DTNA: variants seen among roughly 807,000 people sequenced by gnomAD.
DTNA encodes the protein dystrobrevin alpha.
Under a neutral mutation model 100.7 loss-of-function variants are expected in DTNA, and 43 were observed. The observed-to-expected ratio is 0.43, with a 90% CI of 0.33 to 0.55. The LOEUF is 0.55. Among genes scored for constraint, DTNA ranks in the 20% least tolerant of loss-of-function variants. The pLI, the probability that DTNA is intolerant of heterozygous loss-of-function variation, is 0.04. For missense variants in DTNA, 798 were observed against 953.9 expected (o/e 0.84, Z 2.15); for synonymous variants, 349 against 347.9 (o/e 1.00, Z -0.04).
chr18:34,855,832 T>A (rs2096545846), intron 15 of DTNA, among the ~76,000 whole-genome samples: 1 of 152,218 alleles, frequency 6.6e-6, no homozygotes, highest in Admixed American at 6.5e-5. Context: ...TTCAGAGCAC[T>A]TTGTTTTCCC....
In DTNA at chr18:34,742,269, C is replaced by A. The variant is rs1419767049; in HGVS notation, c.-1-13707C>A. ...ACAAATGTAGTGGCTTAAAACAACA[C>A]AAATGTATTATCTTACTGTTCTGAG... On this transcript the variant is annotated intron_variant, in intron 1 of 22. Transcript: ENST00000444659. 3.9e-5 allele frequency among the ~76,000 whole-genome samples: 6 copies of A among 152,280 alleles called. No individual in the cohort carries two copies. The East Asian group carries it at 9.7e-4, about 25-fold the overall frequency.
intron 1 of DTNA, among the ~76,000 whole-genome samples, chr18:34,510,069 T>TTGTTTGTGTGTG (rs2040885394): frequency 6.9e-6 from 1 of 144,960 alleles, no homozygotes. Context: ...GAGTGTAATT[T>TTGTTTGTGTGTG]TGTGTGTGTG....
At chr18:34,806,761 G>A (rs544548020) in intron 5 of DTNA, among the ~76,000 whole-genome samples, 18 of 152,280 alleles carry the variant, frequency 1.2e-4, no homozygotes, top group African/African-American at 4.1e-4. Flanking sequence ...ACAATGTCAG[G>A]AAAGAAGAAT....
At chr18:34,732,230 T>C (rs2088443979) in intron 1 of DTNA, among the ~76,000 whole-genome samples, 1 of 152,250 alleles carries the variant, frequency 6.6e-6, no homozygotes, top group Non-Finnish European at 1.5e-5. Context: ...GGCAGGTATT[T>C]TGTTTTTCAG....
intron 1 of DTNA, among the ~76,000 whole-genome samples, chr18:34,659,622 A>G (rs919577951): frequency 7.1e-6 from 1 of 140,818 alleles, no homozygotes; most frequent in African/African-American, 3.0e-5. Flanking sequence ...ACATACACAC[A>G]GACACACACA....
chr18:34,592,467 AACAC>A (rs3078085), intron 1 of DTNA, among the ~76,000 whole-genome samples: 44,879 of 139,286 alleles, frequency 0.32, 8,210 homozygotes, highest in East Asian at 0.56. Context: ...ACACTTGTAT[AACAC>A]ACACACACAC....
chr18:34,584,679 A>T (rs1028834971), intron 1 of DTNA, among the ~76,000 whole-genome samples: 1 of 152,206 alleles, frequency 6.6e-6, no homozygotes, highest in Non-Finnish European at 1.5e-5. Context: ...CTGGAACTGA[A>T]TAAATGAGTA....
intron 11 of DTNA, among the ~76,000 whole-genome samples, chr18:34,834,092 A>G (rs2096077003): frequency 1.3e-5 from 2 of 152,196 alleles, no homozygotes; most frequent in Admixed American, 1.3e-4. Context: ...TCCATAAAAT[A>G]TTGTGATAAT....
intron 15 of DTNA, among the ~76,000 whole-genome samples, chr18:34,856,425 A>G (rs2096553345): frequency 6.6e-6 from 1 of 152,232 alleles, no homozygotes; most frequent in Admixed American, 6.5e-5. Context: ...CATTTCAGCA[A>G]TGATCTTTAG....
intron 4 of DTNA, among the ~76,000 whole-genome samples, chr18:34,800,272 C>T (rs1168371537): frequency 2.6e-5 from 4 of 152,116 alleles, no homozygotes. Context: ...AATGATAAGA[C>T]AAGATGAAAT....
At chr18:34,734,900 G>A (rs1408724241) in intron 1 of DTNA, among the ~76,000 whole-genome samples, 3 of 152,066 alleles carry the variant, frequency 2.0e-5, no homozygotes. Flanking sequence ...GCATTTTGTG[G>A]TCTAATCATA....
intron 1 of DTNA, among the ~76,000 whole-genome samples, chr18:34,733,578 G>A (rs776613121): frequency 2.6e-5 from 4 of 152,160 alleles, no homozygotes; most frequent in Non-Finnish European, 4.4e-5. Context: ...ATAATTGAGT[G>A]ACTGCGGTTA....
intron 1 of DTNA, among the ~76,000 whole-genome samples, chr18:34,741,701 G>A (rs971518699): frequency 2.0e-5 from 3 of 151,928 alleles, no homozygotes; most frequent in Admixed American, 1.3e-4. Context: ...GTTTTATGCT[G>A]GCATTTATCA....
intron 1 of DTNA, among the ~76,000 whole-genome samples, chr18:34,672,455 A>G (rs2076885719): frequency 6.6e-6 from 1 of 152,184 alleles, no homozygotes; most frequent in Non-Finnish European, 1.5e-5. Flanking sequence ...GGATACCTGA[A>G]TTTTGTACAG....
At chr18:34,581,724 G>A (rs1379057464) in intron 1 of DTNA, among the ~76,000 whole-genome samples, 2 of 150,640 alleles carry the variant, frequency 1.3e-5, no homozygotes, top group Non-Finnish European at 3.0e-5. Context: ...GGCTTCAAGC[G>A]ATGATTCTCC....
chr18:34,598,238 T>A (rs568613349), intron 1 of DTNA, among the ~76,000 whole-genome samples: 40 of 151,102 alleles, frequency 2.6e-4, no homozygotes, highest in Middle Eastern at 3.2e-3. Flanking sequence ...TTTTACCAAA[T>A]GTGATGTATA....
chr18:34,584,394 A>G (rs539116191), intron 1 of DTNA, among the ~76,000 whole-genome samples: 1 of 152,324 alleles, frequency 6.6e-6, no homozygotes, highest in African/African-American at 2.4e-5. Flanking sequence ...AATGTGTATT[A>G]TAGATAGTAA....
intron 1 of DTNA, among the ~76,000 whole-genome samples, chr18:34,644,912 T>C (rs1332527873): frequency 6.6e-6 from 1 of 152,124 alleles, no homozygotes; most frequent in Non-Finnish European, 1.5e-5. Flanking sequence ...AAGAAAATAT[T>C]TTAATGTATA....
intron 1 of DTNA, among the ~76,000 whole-genome samples, chr18:34,568,274 AT>A (rs1271181104): frequency 6.6e-6 from 1 of 152,168 alleles, no homozygotes; most frequent in Non-Finnish European, 1.5e-5. Flanking sequence ...ACCACTGTGT[AT>A]ATGTGTGTGT....
Sources: gnomAD v4.1 joint callset for allele counts (sites outside exome capture counted in the v4.1 genomes callset) on GRCh38, gnomAD v4.1.1 for gene constraint, MANE v1.5 for transcripts, NCBI Gene and HGNC (gene_info 2026-07-23, HGNC 2026-07-21) for gene names.